MICAL3: variants seen among roughly 807,000 people sequenced by gnomAD.
MICAL3 encodes microtubule associated monooxygenase, calponin and LIM domain containing 3.
MICAL3 carries 62 observed loss-of-function variants against 207.4 expected under a neutral mutation model. That is an observed-to-expected ratio of 0.30 (90% CI 0.24 to 0.37). The LOEUF is 0.37. Among genes scored for constraint, MICAL3 ranks in the 10% least tolerant of loss-of-function variants. The pLI, the probability that MICAL3 is intolerant of heterozygous loss-of-function variation, is 1.00. For missense variants in MICAL3, 2,368 were observed against 2,635.6 expected, an observed-to-expected ratio of 0.90 and a Z score of 2.22; for synonymous variants, 1,077 against 1,069.3, an observed-to-expected ratio of 1.01 and a Z score of -0.14.
rs1306448852 is a variant in MICAL3, at chr22:17,871,971, T to G, written c.2294A>C (p.Tyr765Ser). The G allele has an allele frequency of 6.2e-7, 1 of 1,611,196 alleles. No individual in the cohort carries two copies. Among genetic ancestry groups the G allele is most frequent in the East Asian group, 2.2e-5 (1 of 44,826 alleles). The stretch of plus-strand genomic sequence containing the variant: ...CACGTAGACCCGCTTCTGGCAGAAG[T>G]AGCATGTGTCGCTGCCTCCCAGGTT... ...PQNLGGSDTC[Y>S]FCQKRVYVME... Residue 765 changes from tyrosine to serine, a missense_variant, in exon 17 of 32, where the codon TAC becomes TCC. Tyr to Ser is a moderately radical substitution (Grantham distance 144). This residue lies in a region of MICAL3 where 1,770 missense variants were observed against 1,863.2 expected (regional missense o/e 0.95). Transcript: ENST00000441493.
intron 20 of MICAL3, among the ~76,000 whole-genome samples, chr22:17,835,269 C>T (rs1425189847): frequency 6.6e-6 from 1 of 151,052 alleles, no homozygotes; most frequent in Non-Finnish European, 1.5e-5. Flanking sequence ...GCACAGAAGA[C>T]AGCAGAAAGC....
intron 19 of MICAL3, among the ~76,000 whole-genome samples, chr22:17,847,835 T>C (rs572125925): frequency 1.3e-5 from 2 of 152,328 alleles, no homozygotes; most frequent in South Asian, 4.1e-4. Flanking sequence ...ATTTCTCTTA[T>C]TTACGTTTTT....
chr22:17,941,889 G>C (rs1218722662), intron 1 of MICAL3, among the ~76,000 whole-genome samples: 3 of 152,142 alleles, frequency 2.0e-5, no homozygotes, highest in Non-Finnish European at 1.5e-5. Flanking sequence ...GGGCCCAGGA[G>C]GGGGAAAGCA....
At chr22:17,827,865 G>A in intron 21 of MICAL3, 84 bp from the exon 22 acceptor site, 1 of 1,425,828 alleles carries the variant, frequency 7.0e-7, no homozygotes, top group Non-Finnish European at 9.4e-7. Flanking sequence ...AGAAAGAGAA[G>A]TTACAGCATT....
chr22:17,901,103 G>T, intron 5 of MICAL3, 106 bp from the exon 6 acceptor site: 1 of 1,072,196 alleles, frequency 9.3e-7, no homozygotes, highest in South Asian at 1.4e-5. Context: ...AGTCAGGGAT[G>T]AGAACTGATG....
chr22:17,810,662 C>T (rs1168390683), intron 28 of MICAL3, 41 bp downstream of exon 28: 19 of 1,504,410 alleles, frequency 1.3e-5, no homozygotes, highest in Admixed American at 3.3e-5. Flanking sequence ...CTGCCCAACC[C>T]TCCCATGCAT....
At chr22:17,879,527 C>A in intron 16 of MICAL3, 1 of 679,234 alleles carries the variant, frequency 1.5e-6, no homozygotes, top group South Asian at 2.2e-5. Flanking sequence ...CCCTACTAAC[C>A]CCATCCCCAG....
chr22:17,810,134 C>T (rs2062029056), intron 28 of MICAL3, among the ~76,000 whole-genome samples: 1 of 148,650 alleles, frequency 6.7e-6, no homozygotes, highest in Non-Finnish European at 1.5e-5. Context: ...ACAATCTCGG[C>T]TCACTGCAAG....
At position 17,818,221 on chromosome 22, in the gene MICAL3, C is replaced by G. The variant is rs1158323258; in HGVS notation, c.4440G>C (p.Glu1480Asp). Reference sequence around the variant, plus strand: ...GCGGCGGGACCACCGAGGCATTGGGCTCGGCCTCCCTGAGCTTCCTCCGCA... The same window carrying G: ...GCGGCGGGACCACCGAGGCATTGGGGTCGGCCTCCCTGAGCTTCCTCCGCA... ...ATLRRKLREA[E>D]PNASVVPPPL... The change falls in exon 26 of 32, where the codon GAG becomes GAC. Residue 1480 changes from glutamate (E) to aspartate (D), a missense_variant. By Grantham distance (45) the Glu-to-Asp change is conservative (BLOSUM62 2). Around this residue, in one of 4 missense-constraint regions of MICAL3, gnomAD observed 1,770 missense variants for 1,863.2 expected, o/e 0.95. Transcript: ENST00000441493. 1 of 1,542,558 alleles carries G rather than the reference C, an allele frequency of 6.5e-7. No homozygotes were observed.
intron 27 of MICAL3, chr22:17,813,160 T>C (rs929247582): frequency 1.3e-5 from 2 of 152,226 alleles, no homozygotes; most frequent in Non-Finnish European, 2.9e-5. Flanking sequence ...GTAAGTGCTG[T>C]TCACCAAAAG....
intron 29 of MICAL3, among the ~76,000 whole-genome samples, chr22:17,794,785 G>A (rs560274897): frequency 6.6e-5 from 10 of 152,302 alleles, no homozygotes; most frequent in African/African-American, 2.4e-4. Context: ...ACAGTGTGCA[G>A]AGAGACATCT....
At chr22:17,831,385 C>T (rs1242463934) in intron 21 of MICAL3, among the ~76,000 whole-genome samples, 1 of 152,176 alleles carries the variant, frequency 6.6e-6, no homozygotes, top group Admixed American at 6.5e-5. Context: ...CTTCAGGACA[C>T]TGTCCCCAAA....
chr22:17,993,711 G>A (rs371534221), intron 1 of MICAL3, among the ~76,000 whole-genome samples: 32 of 152,070 alleles, frequency 2.1e-4, no homozygotes, highest in South Asian at 6.2e-4. Flanking sequence ...CCCCTGAGAA[G>A]CAGGCCAGGA....
At chr22:17,911,135 A>G (rs1932115104) in intron 1 of MICAL3, among the ~76,000 whole-genome samples, 1 of 152,196 alleles carries the variant, frequency 6.6e-6, no homozygotes, top group Admixed American at 6.5e-5. Context: ...GAAGCCCCGC[A>G]TGGGCCTTGG....
At chr22:17,827,346 G>A (rs1197596971) in intron 22 of MICAL3, among the ~76,000 whole-genome samples, 4 of 152,176 alleles carry the variant, frequency 2.6e-5, no homozygotes, top group Non-Finnish European at 4.4e-5. Context: ...AAGAGCAGCG[G>A]TGACCAGAAA....
chr22:18,001,320 G>GC (rs1385596880), intron 1 of MICAL3: 1 of 152,234 alleles, frequency 6.6e-6, no homozygotes, highest in African/African-American at 2.4e-5. Context: ...GAGACCCCGA[G>GC]CTCGGGCGCG....
chr22:17,963,538 G>A (rs1471592826), intron 1 of MICAL3, among the ~76,000 whole-genome samples: 3 of 152,166 alleles, frequency 2.0e-5, no homozygotes, highest in South Asian at 2.1e-4. Context: ...ACCCTGCCAC[G>A]GCCAAGCGCC....
At chr22:17,845,405 C>A (rs1265797546) in intron 19 of MICAL3, among the ~76,000 whole-genome samples, 4 of 152,170 alleles carry the variant, frequency 2.6e-5, no homozygotes, top group Non-Finnish European at 5.9e-5. Flanking sequence ...AAAACACTCT[C>A]TACTCTAAAA....
At chr22:17,985,182 GAGGCAGGGTGT>G (rs1936096870) in intron 1 of MICAL3, among the ~76,000 whole-genome samples, 1 of 152,186 alleles carries the variant, frequency 6.6e-6, no homozygotes, top group East Asian at 1.9e-4. Flanking sequence ...CCACAGTCCT[GAGGCAGGGTGT>G]GCCTGGAGCA....
Sources: allele counts gnomAD v4.1 joint callset (sites outside exome capture counted in the v4.1 genomes callset), GRCh38; gene constraint gnomAD v4.1.1; regional missense constraint gnomAD v4.1.1; transcripts MANE v1.5; gene names NCBI Gene and HGNC (gene_info 2026-07-23, HGNC 2026-07-21).